The following TAFA2 variants were observed in gnomAD, a reference collection of about 807,000 sequenced individuals.
The protein encoded by TAFA2 is TAFA chemokine like family member 2.
A neutral mutation model predicts 18.8 loss-of-function variants in TAFA2; 7 were observed. The observed-to-expected ratio is 0.37, with a 90% CI of 0.21 to 0.70. The LOEUF (loss-of-function observed/expected upper bound fraction) is 0.70, where lower values mean the gene tolerates loss of function less well. Ranked by LOEUF, TAFA2 falls within the 30% of genes least tolerant of loss-of-function variation. TAFA2 has a pLI of 0.53. For synonymous variants in TAFA2, 60 were observed against 54.2 expected (o/e 1.11, Z -0.47); for missense variants, 122 against 158.1 (o/e 0.77, Z 1.23).
intron 1 of TAFA2, chr12:62,021,459 G>A (rs1592554724): frequency 2.3e-5 from 10 of 430,410 alleles, no homozygotes; most frequent in East Asian, 5.8e-5. Context: ...AGACCCCAAA[G>A]TCCACTGCAT....
intron 1 of TAFA2, chr12:62,242,354 T>C (rs892886500): frequency 1.3e-5 from 2 of 152,112 alleles, no homozygotes; most frequent in South Asian, 2.1e-4. Context: ...ATGAACAAGA[T>C]AGAAGATAAA....
chr12:61,742,137 C>T (rs372954297), intron 4 of TAFA2, among the ~76,000 whole-genome samples: 33 of 152,218 alleles, frequency 2.2e-4, no homozygotes, highest in East Asian at 1.9e-3. Flanking sequence ...TCAAGAGATC[C>T]GTCTGCTTCT....
intron 1 of TAFA2, among the ~76,000 whole-genome samples, chr12:61,968,802 GTTCATGACTCTA>G (rs944627387): frequency 2.6e-5 from 4 of 151,594 alleles, no homozygotes; most frequent in African/African-American, 9.7e-5. Context: ...TTGCCCCAGA[GTTCATGACTCTA>G]TGAACTCTTA....
chr12:62,257,620 G>A (rs1161072670), intron 1 of TAFA2, among the ~76,000 whole-genome samples: 1 of 152,170 alleles, frequency 6.6e-6, no homozygotes, highest in Non-Finnish European at 1.5e-5. Context: ...TAAGTACTCA[G>A]CATACTCAGC....
At chr12:61,748,554 A>T (rs1868846546) in intron 4 of TAFA2, among the ~76,000 whole-genome samples, 1 of 152,118 alleles carries the variant, frequency 6.6e-6, no homozygotes, top group African/African-American at 2.4e-5. Context: ...TGCTGTGTAC[A>T]TCATTTCCCA....
chr12:62,059,513 AAGAGAT>A (rs1453913292), intron 1 of TAFA2, among the ~76,000 whole-genome samples: 3 of 151,950 alleles, frequency 2.0e-5, no homozygotes, highest in Non-Finnish European at 4.4e-5. Context: ...AAAGTGTGGT[AAGAGAT>A]AGCAGAAGTT....
At chr12:61,953,959 C>T (rs545878604) in intron 1 of TAFA2, among the ~76,000 whole-genome samples, 4 of 152,166 alleles carry the variant, frequency 2.6e-5, no homozygotes, top group African/African-American at 9.6e-5. Flanking sequence ...TTCATGTTTG[C>T]ATTTGTTTTT....
intron 1 of TAFA2, among the ~76,000 whole-genome samples, chr12:62,248,445 TG>T (rs1429818108): frequency 2.6e-5 from 4 of 152,224 alleles, no homozygotes; most frequent in Non-Finnish European, 5.9e-5. Context: ...CTGTGCACAA[TG>T]GCCTGGGCAG....
chr12:62,077,131 G>C (rs1408963530), intron 1 of TAFA2, among the ~76,000 whole-genome samples: 1 of 152,182 alleles, frequency 6.6e-6, no homozygotes, highest in African/African-American at 2.4e-5. Flanking sequence ...AATTATTAAA[G>C]TCATTAATTA....
At chr12:62,197,880 T>G (rs548179267) in intron 1 of TAFA2, among the ~76,000 whole-genome samples, 2 of 152,338 alleles carry the variant, frequency 1.3e-5, no homozygotes, top group East Asian at 3.9e-4. Flanking sequence ...ACTTCTAGTT[T>G]GGGGATATTA....
At chr12:61,734,755 A>AT (rs958069323) in intron 4 of TAFA2, among the ~76,000 whole-genome samples, 5 of 151,706 alleles carry the variant, frequency 3.3e-5, no homozygotes, top group African/African-American at 4.8e-5. Context: ...ACCTCTTTTT[A>AT]TTTTTTTTAA....
chr12:62,185,182 T>C (rs1239527588), intron 1 of TAFA2, among the ~76,000 whole-genome samples: 1 of 152,340 alleles, frequency 6.6e-6, no homozygotes, highest in East Asian at 1.9e-4. Flanking sequence ...GGAAAAAAAC[T>C]GTCATATAAC....
intron 1 of TAFA2, among the ~76,000 whole-genome samples, chr12:61,935,907 C>T (rs1246440213): frequency 1.3e-5 from 2 of 151,782 alleles, no homozygotes; most frequent in Non-Finnish European, 2.9e-5. Flanking sequence ...CAATTCACAG[C>T]TGAATTCTTC....
intron 2 of TAFA2, among the ~76,000 whole-genome samples, chr12:61,861,507 C>T (rs61942620): frequency 0.28 from 42,347 of 151,840 alleles, 6,463 homozygotes; most frequent in South Asian, 0.39. Flanking sequence ...CTTTCATCTC[C>T]GCTTCCCAAA....
chr12:61,932,751 G>T (rs1206888490), intron 1 of TAFA2, among the ~76,000 whole-genome samples: 3 of 152,084 alleles, frequency 2.0e-5, no homozygotes, highest in Admixed American at 6.6e-5. Context: ...CATAACTCTT[G>T]TAATGGCCCA....
chr12:61,903,339 T>C (rs981656951), intron 1 of TAFA2, among the ~76,000 whole-genome samples: 3 of 152,228 alleles, frequency 2.0e-5, no homozygotes, highest in Non-Finnish European at 4.4e-5. Context: ...CCCATTACAC[T>C]GCTCATTCTT....
chr12:62,135,399 T>A (rs1279943463), intron 1 of TAFA2, among the ~76,000 whole-genome samples: 1 of 152,004 alleles, frequency 6.6e-6, no homozygotes, highest in East Asian at 1.9e-4. Flanking sequence ...TGCACAGAAC[T>A]CCAGTGACAG....
intron 1 of TAFA2, among the ~76,000 whole-genome samples, chr12:61,948,105 A>C (rs1180967338): frequency 1.3e-5 from 2 of 152,202 alleles, no homozygotes; most frequent in African/African-American, 4.8e-5. Flanking sequence ...AATCTACACA[A>C]GAAACTTTTG....
intron 1 of TAFA2, among the ~76,000 whole-genome samples, chr12:62,184,213 A>G (rs1408851284): frequency 6.6e-6 from 1 of 152,132 alleles, no homozygotes; most frequent in Non-Finnish European, 1.5e-5. Context: ...ATAAATTTTG[A>G]CCCAATTCTG....
Sources: gnomAD v4.1 joint callset for allele counts (sites outside exome capture counted in the v4.1 genomes callset) on GRCh38, gnomAD v4.1.1 for gene constraint, MANE v1.5 for transcripts, NCBI Gene and HGNC (gene_info 2026-07-23, HGNC 2026-07-21) for gene names.